The following PCDHA1 variants were observed in gnomAD, a reference collection of about 807,000 sequenced individuals.
PCDHA1 encodes the protein protocadherin alpha 1, also known as protocadherin alpha-1.
In PCDHA1, 42 loss-of-function variants were observed where a neutral mutation model predicts 61.3. The ratio of observed to expected loss-of-function variants is 0.69; its 90% CI spans 0.54 to 0.89. The LOEUF is 0.89. Among genes scored for constraint, PCDHA1 ranks in the 40% least tolerant of loss-of-function variants. The probability of loss-of-function intolerance (pLI) is 0.00; values close to 1 mark genes in which losing one functional copy is unlikely to be tolerated. For synonymous variants in PCDHA1, 610 were observed against 553.8 expected (o/e 1.10, Z -1.43); for missense variants, 1,256 against 1,235.3 (o/e 1.02, Z -0.25).
At chr5:140,807,303 C>T in intron 1 of PCDHA1, 1 of 1,614,160 alleles carries the variant, frequency 6.2e-7, no homozygotes, top group Non-Finnish European at 8.5e-7. Context: ...TCCGAGGAGG[C>T]CAAACACGGC....
At chr5:140,809,613 TTTCTC>T in intron 1 of PCDHA1, 1 of 1,520,660 alleles carries the variant, frequency 6.6e-7, no homozygotes, top group Non-Finnish European at 8.8e-7. Flanking sequence ...TCGTATTGTT[TTTCTC>T]TATCAACTTC....
intron 1 of PCDHA1, chr5:140,801,888 A>T: frequency 6.2e-7 from 1 of 1,614,168 alleles, no homozygotes; most frequent in Non-Finnish European, 8.5e-7. Flanking sequence ...ACTAAAGATC[A>T]CTGTTTTAGA....
intron 1 of PCDHA1, among the ~76,000 whole-genome samples, chr5:140,915,719 T>A (rs545655335): frequency 6.6e-6 from 1 of 151,956 alleles, no homozygotes; most frequent in African/African-American, 2.4e-5. Flanking sequence ...GCCCCCACTT[T>A]GGATTGTGCT....
intron 1 of PCDHA1, among the ~76,000 whole-genome samples, chr5:140,952,008 G>A (rs1427518321): frequency 6.6e-6 from 1 of 152,132 alleles, no homozygotes; most frequent in Non-Finnish European, 1.5e-5. Context: ...AAGAATTATA[G>A]GCCCCATGCA....
At position 140,857,270 on chromosome 5, in the gene PCDHA1, C is replaced by T. The variant is rs782277671; in HGVS notation, c.2394+68586C>T. On this transcript the variant is annotated intron_variant, in intron 1 of 3. Coordinates refer to ENST00000504120, the MANE Select transcript of PCDHA1 (RefSeq NM_018900.4). ...CTACAAGAATTACTACTCATTGGTG[C>T]TGGACAGCGCTCTGGACCGCGAGAG... 5.0e-6 allele frequency: 8 copies of T among 1,598,754 alleles called. 2 individuals are homozygous for T. The highest frequency in any genetic ancestry group is 4.3e-6 in the Non-Finnish European group (5 of 1,168,052).
At chr5:140,902,208 T>TC (rs1462936622) in intron 1 of PCDHA1, among the ~76,000 whole-genome samples, 2 of 149,762 alleles carry the variant, frequency 1.3e-5, no homozygotes, top group East Asian at 3.9e-4. Flanking sequence ...TCTTTCTTTT[T>TC]TTTTTTTTTT....
rs541015740 is a variant in PCDHA1 at position 140,862,949 on chromosome 5, C to T, written c.2394+74265C>T. 3 of 542,876 alleles carry T rather than the reference C, an allele frequency of 5.5e-6. No individual in the cohort carries two copies. In the Admixed American group the frequency reaches 5.9e-5, roughly 11 times the overall value. The allele number at this position is 542,876 out of a possible 1,614,324, so 33.6% of individuals were successfully genotyped here. A position where few individuals can be genotyped will look rare whatever the true frequency, so the allele number is the denominator to read the frequency against. On this transcript the variant is annotated intron_variant, in intron 1 of 3. Transcript: ENST00000504120. The stretch of plus-strand genomic sequence containing the variant: ...TGGCGGCGCTGTGAGTGAGCTGGTG[C>T]GGTATTCAGTGGATGCAGGCCACTT...
At chr5:140,949,721 A>G (rs1466646683) in intron 1 of PCDHA1, among the ~76,000 whole-genome samples, 1 of 151,690 alleles carries the variant, frequency 6.6e-6, no homozygotes, top group East Asian at 1.9e-4. Context: ...CATTTTGATA[A>G]TATCTGCTTT....
chr5:140,908,329 A>T (rs539575503), intron 1 of PCDHA1, among the ~76,000 whole-genome samples: 140 of 152,214 alleles, frequency 9.2e-4, no homozygotes, highest in African/African-American at 2.7e-3. Flanking sequence ...AGACCATGGG[A>T]ATTTGAGCCA....
intron 1 of PCDHA1, chr5:140,883,535 C>A: frequency 6.2e-7 from 1 of 1,614,248 alleles, no homozygotes; most frequent in South Asian, 1.1e-5. Flanking sequence ...AGCCTATGAA[C>A]TGGTGGTGAC....
Position 140,788,494 on chromosome 5 carries a change from G to A in PCDHA1, c.2204G>A (p.Gly735Asp). Residue 735 changes from glycine to aspartate, a missense_variant, in exon 1 of 4, where the codon GGC (glycine) becomes GAC (aspartate). Transcript: ENST00000504120. ...VPPTEGAYVP[G>D]KPTLVCSSAL... Reference sequence around the variant, plus strand: ...CCCACTGAGGGTGCGTATGTGCCGGGCAAGCCCACTCTGGTGTGCTCCAGC... The same window carrying A: ...CCCACTGAGGGTGCGTATGTGCCGGACAAGCCCACTCTGGTGTGCTCCAGC... 1.2e-6 allele frequency: 2 copies of A among 1,614,108 alleles called. No homozygotes were observed. The highest frequency in any genetic ancestry group is 2.2e-5 in the South Asian group (2 of 91,066).
intron 1 of PCDHA1, among the ~76,000 whole-genome samples, chr5:140,922,082 G>A (rs2080612980): frequency 6.6e-6 from 1 of 151,908 alleles, no homozygotes. Context: ...AGCAAAAAGT[G>A]GTATTTCTAC....
chr5:140,828,896 C>A lies in PCDHA1; in HGVS notation c.2394+40212C>A, dbSNP rs138760871. On this transcript the variant is annotated intron_variant, in intron 1 of 3. Coordinates refer to ENST00000504120, the MANE Select transcript of PCDHA1 (RefSeq NM_018900.4). ...AGTTATCAGACTGAATGCTTCTGAT[C>A]GGGATGAAGGAGCGAATGGGGCAAT... 63 of 1,614,060 alleles carry A rather than the reference C, an allele frequency of 3.9e-5. No homozygotes were observed. In the Admixed American group the frequency reaches 8.8e-4, roughly 23 times the overall value.
At chr5:140,791,960 T>C (rs1046143627) in intron 1 of PCDHA1, among the ~76,000 whole-genome samples, 1 of 152,208 alleles carries the variant, frequency 6.6e-6, no homozygotes, top group Non-Finnish European at 1.5e-5. Context: ...CAATGGGTAC[T>C]ATATTAATTT....
At chr5:140,800,348 T>C (rs1762542792) in intron 1 of PCDHA1, among the ~76,000 whole-genome samples, 2 of 152,094 alleles carry the variant, frequency 1.3e-5, no homozygotes, top group African/African-American at 4.8e-5. Flanking sequence ...CTATAGTTCT[T>C]GAAAAAGGGG....
At chr5:140,866,241 A>C (rs1554160141) in intron 1 of PCDHA1, 1 of 152,134 alleles carries the variant, frequency 6.6e-6, no homozygotes, top group African/African-American at 2.4e-5. Context: ...ATATACCAAA[A>C]ATGACACCCT....
At chr5:140,849,620 C>A (rs2040998983) in intron 1 of PCDHA1, 1 of 1,598,622 alleles carries the variant, frequency 6.3e-7, no homozygotes, top group Non-Finnish European at 8.6e-7. Context: ...TTAGTGTGAT[C>A]GACCTAGACG....
intron 1 of PCDHA1, chr5:140,828,067 G>T (rs2150150517): frequency 6.4e-7 from 1 of 1,560,564 alleles, no homozygotes; most frequent in Admixed American, 2.0e-5. Flanking sequence ...ATCTTCTAAT[G>T]GAAATAAAAC....
intron 1 of PCDHA1, among the ~76,000 whole-genome samples, chr5:140,933,053 G>C (rs2088831256): frequency 6.6e-6 from 1 of 151,948 alleles, no homozygotes; most frequent in Non-Finnish European, 1.5e-5. Flanking sequence ...TTACAGTCCA[G>C]GATCCTGACT....
Sources: gnomAD v4.1 joint callset for allele counts (sites outside exome capture counted in the v4.1 genomes callset) on GRCh38, gnomAD v4.1.1 for gene constraint, MANE v1.5 for transcripts, NCBI Gene and HGNC (gene_info 2026-07-23, HGNC 2026-07-21) for gene names.